The following FBXW7 variants were observed in gnomAD, a reference collection of about 807,000 sequenced individuals.
FBXW7 encodes the protein F-box/WD repeat-containing protein 7.
In FBXW7, 11 loss-of-function variants were observed where a neutral mutation model predicts 86.3. The observed-to-expected ratio is 0.13, with a 90% CI of 0.08 to 0.21. The LOEUF is 0.21. Ranked by LOEUF, FBXW7 falls within the 10% of genes least tolerant of loss-of-function variation. The probability of loss-of-function intolerance (pLI) is 1.00; values close to 1 mark genes in which losing one functional copy is unlikely to be tolerated. For synonymous variants in FBXW7, 313 were observed against 297.9 expected, an observed-to-expected ratio of 1.05 and a Z score of -0.52; for missense variants, 488 against 847.4, an observed-to-expected ratio of 0.58 and a Z score of 5.27.
rs1308287340 is a variant in FBXW7 at position 152,338,796 on chromosome 4, G to A, written c.727-860C>T. Among the ~76,000 whole-genome samples, 4 of 152,226 alleles carry A rather than the reference G, an allele frequency of 2.6e-5. No individual in the cohort carries two copies. In the East Asian group the frequency reaches 7.7e-4, roughly 29 times the overall value. On this transcript the variant is annotated intron_variant, in intron 6 of 13. Transcript: ENST00000281708. ...TTAACCTCATAATACTTAAATGAAA[G>A]AACATTCTTAAGCAGGCCTTTGTTT...
intron 2 of FBXW7, among the ~76,000 whole-genome samples, chr4:152,418,721 A>G (rs1172212880): frequency 1.3e-5 from 2 of 152,184 alleles, no homozygotes; most frequent in Non-Finnish European, 2.9e-5. Context: ...TCACAGAAAA[A>G]CAGTGAACAT....
intron 2 of FBXW7, among the ~76,000 whole-genome samples, chr4:152,452,622 C>T (rs1742008736): frequency 6.6e-6 from 1 of 151,960 alleles, no homozygotes; most frequent in Admixed American, 6.6e-5. Context: ...CTTATAAATA[C>T]ACGTTGAAAA....
intron 2 of FBXW7, among the ~76,000 whole-genome samples, chr4:152,520,127 T>G (rs978858512): frequency 1.3e-5 from 2 of 152,188 alleles, no homozygotes; most frequent in African/African-American, 2.4e-5. Context: ...TAAAAATAAC[T>G]GGGGGTAAAA....
At chr4:152,415,891 A>T (rs1738384647) in intron 2 of FBXW7, among the ~76,000 whole-genome samples, 1 of 152,062 alleles carries the variant, frequency 6.6e-6, no homozygotes, top group African/African-American at 2.4e-5. Context: ...CCCCTATTCA[A>T]TGATACTTTC....
intron 4 of FBXW7, among the ~76,000 whole-genome samples, chr4:152,371,339 T>C (rs1190185301): frequency 2.0e-5 from 3 of 151,920 alleles, no homozygotes; most frequent in Non-Finnish European, 4.4e-5. Flanking sequence ...AAGAAATCAC[T>C]AAGCTGTGCC....
At position 152,321,740 on chromosome 4, in the gene FBXW7, C is replaced by T. The variant is rs908735935; in HGVS notation, c.*1141G>A. The T allele has an allele frequency of 4.3e-5, 10 of 232,646 alleles. No homozygotes were observed. The highest frequency in any genetic ancestry group is 1.8e-4 in the South Asian group (1 of 5,514). The allele number at this position is 232,646 out of a possible 1,614,324, so 14.4% of individuals were successfully genotyped here. A position where few individuals can be genotyped will look rare whatever the true frequency, so the allele number is the denominator to read the frequency against. ...TTTTTAAAATATTTTGTCAGTTTTA[C>T]GATGTACGTTCATCCATTCACCACA... On this transcript the variant is annotated 3_prime_UTR_variant, in exon 14 of 14. Transcript: ENST00000281708.
intron 2 of FBXW7, among the ~76,000 whole-genome samples, chr4:152,416,535 T>C (rs1397262912): frequency 6.6e-6 from 1 of 152,194 alleles, no homozygotes; most frequent in African/African-American, 2.4e-5. Flanking sequence ...TTCCATATAT[T>C]CTATACTGCA....
intron 4 of FBXW7, among the ~76,000 whole-genome samples, chr4:152,397,183 A>T (rs1736488650): frequency 6.6e-6 from 1 of 152,078 alleles, no homozygotes; most frequent in South Asian, 2.1e-4. Context: ...CAGTGTAAAC[A>T]GTAGTTAACG....
At chr4:152,413,558 C>CTGAG (rs1353808603) in intron 2 of FBXW7, among the ~76,000 whole-genome samples, 12 of 152,132 alleles carry the variant, frequency 7.9e-5, no homozygotes, top group Admixed American at 7.9e-4. Flanking sequence ...TAACACCCAA[C>CTGAG]TGAGTCTCCT....
At chr4:152,517,180 T>G (rs1430801222) in intron 2 of FBXW7, among the ~76,000 whole-genome samples, 1 of 152,168 alleles carries the variant, frequency 6.6e-6, no homozygotes, top group Non-Finnish European at 1.5e-5. Flanking sequence ...TTGGTCTTTA[T>G]CCATTTCTAA....
At chr4:152,368,700 A>C (rs1233959021) in intron 4 of FBXW7, among the ~76,000 whole-genome samples, 1 of 152,074 alleles carries the variant, frequency 6.6e-6, no homozygotes, top group African/African-American at 2.4e-5. Context: ...ATTATAATGG[A>C]AACTATATAC....
At chr4:152,414,495 T>C (rs1738255968) in intron 2 of FBXW7, among the ~76,000 whole-genome samples, 1 of 152,124 alleles carries the variant, frequency 6.6e-6, no homozygotes, top group South Asian at 2.1e-4. Flanking sequence ...ACTATAAAAG[T>C]ATCATTCGTG....
chr4:152,393,826 C>T (rs866021656), intron 4 of FBXW7, among the ~76,000 whole-genome samples: 93 of 152,104 alleles, frequency 6.1e-4, no homozygotes, highest in African/African-American at 2.0e-3. Flanking sequence ...CCTTTTGCAT[C>T]AGCAAAAACC....
rs1732012599 is a variant in FBXW7 at position 152,353,042 on chromosome 4, A to G, written c.502-2918T>C. ...GCCCCCTCTCCCCTTTCAAACTTTC[A>G]AGAGGTTATTTTTGTATTTTGTAAA... is the stretch of plus-strand genomic sequence containing the variant. On this transcript the variant is annotated intron_variant, in intron 4 of 13. Transcript: ENST00000281708. 3 of 1,158,906 alleles carry G rather than the reference A, an allele frequency of 2.6e-6. No homozygotes were observed. In the East Asian group the frequency reaches 1.1e-4, roughly 44 times the overall value. The allele number at this position is 1,158,906 out of a possible 1,614,324, so 71.8% of individuals were successfully genotyped here. A position where few individuals can be genotyped will look rare whatever the true frequency, so the allele number is the denominator to read the frequency against.
intron 2 of FBXW7, among the ~76,000 whole-genome samples, chr4:152,446,176 T>C (rs1362644022): frequency 1.3e-5 from 2 of 152,080 alleles, no homozygotes; most frequent in Non-Finnish European, 2.9e-5. Flanking sequence ...CTAGAAAAAA[T>C]TGGCAGCACC....
intron 2 of FBXW7, among the ~76,000 whole-genome samples, chr4:152,418,636 T>C (rs1441063790): frequency 6.6e-6 from 1 of 152,208 alleles, no homozygotes; most frequent in East Asian, 1.9e-4. Context: ...AGTTTTATCA[T>C]ACATTAAAGA....
chr4:152,368,178 C>T (rs1733670370), intron 4 of FBXW7, among the ~76,000 whole-genome samples: 1 of 152,080 alleles, frequency 6.6e-6, no homozygotes, highest in Non-Finnish European at 1.5e-5. Context: ...TTCTTGTAGA[C>T]AGTACAACTT....
chr4:152,411,221 C>G (rs1737921932), intron 4 of FBXW7, 82 bp downstream of exon 4: 2 of 1,438,518 alleles, frequency 1.4e-6, no homozygotes, highest in South Asian at 3.2e-5. Context: ...TTTAGTAATA[C>G]AAAGACTGTG....
chr4:152,383,042 T>G (rs545719887), intron 4 of FBXW7, among the ~76,000 whole-genome samples: 1 of 152,292 alleles, frequency 6.6e-6, no homozygotes, highest in South Asian at 2.1e-4. Flanking sequence ...CTCTAATAGC[T>G]ATTAATACAC....
Sources: gnomAD v4.1 joint callset for allele counts (sites outside exome capture counted in the v4.1 genomes callset) on GRCh38, gnomAD v4.1.1 for gene constraint, MANE v1.5 for transcripts, NCBI Gene and HGNC (gene_info 2026-07-23, HGNC 2026-07-21) for gene names.